The following PPP2R2D variants were observed in gnomAD, a reference collection of about 807,000 sequenced individuals.
The protein encoded by PPP2R2D is protein phosphatase 2 regulatory subunit Bdelta, also known as serine/threonine-protein phosphatase 2A 55 kDa regulatory subunit B delta isoform.
A neutral mutation model predicts 31.1 loss-of-function variants in PPP2R2D; 9 were observed. That is an observed-to-expected ratio of 0.29 (90% CI 0.17 to 0.51). The LOEUF (loss-of-function observed/expected upper bound fraction) is 0.51. Ranked by LOEUF, PPP2R2D falls within the 20% of genes least tolerant of loss-of-function variation. The pLI is 0.98. For synonymous variants in PPP2R2D, 179 were observed against 172.6 expected (o/e 1.04, Z -0.29); for missense variants, 391 against 465.6 (o/e 0.84, Z 1.48).
At chr10:131,936,547 G>A (rs1414684897) in intron 3 of PPP2R2D, among the ~76,000 whole-genome samples, 3 of 152,216 alleles carry the variant, frequency 2.0e-5, no homozygotes, top group Non-Finnish European at 2.9e-5. Flanking sequence ...GATAGCCTTA[G>A]GGAAGATGCC....
chr10:131,912,097 A>G (rs1156933037), intron 2 of PPP2R2D: 4 of 152,162 alleles, frequency 2.6e-5, no homozygotes, highest in African/African-American at 4.8e-5. Flanking sequence ...GTGTATAAGC[A>G]ATCTTTTTTA....
intron 2 of PPP2R2D, among the ~76,000 whole-genome samples, chr10:131,905,554 C>T (rs985335355): frequency 1.1e-4 from 17 of 152,308 alleles, no homozygotes; most frequent in Admixed American, 7.2e-4. Context: ...GGACCCAGCA[C>T]GAAGGTCATG....
intron 5 of PPP2R2D, among the ~76,000 whole-genome samples, chr10:131,943,630 C>CTAAG (rs2036480959): frequency 1.3e-5 from 2 of 152,298 alleles, no homozygotes; most frequent in East Asian, 3.9e-4. Context: ...GAGGACTTTG[C>CTAAG]TGTCCAGCGC....
chr10:131,957,278 G>A lies in PPP2R2D; in HGVS notation c.*1315G>A, dbSNP rs10870292. 15 of 150,936 alleles carry A rather than the reference G, an allele frequency of 9.9e-5. No individual in the cohort carries two copies. Among genetic ancestry groups the A allele is most frequent in the Non-Finnish European group, 1.2e-4 (8 of 69,542 alleles). 9.3% of individuals were successfully genotyped at this position (150,936 alleles called of 1,614,324 possible). ...GTGGAGATGGAGGTGTGTGCTGATC[G>A]CCCGTCACCCTGTCTAGATGAAGGT... On this transcript the variant is annotated 3_prime_UTR_variant, in exon 9 of 9. Transcript: ENST00000455566.
In PPP2R2D at chr10:131,940,109, T is replaced by A; in HGVS notation, c.277T>A (p.Leu93Met). The change falls in exon 4 of 9, where the codon TTG becomes ATG. Residue 93 changes from leucine to methionine, a missense_variant. By Grantham distance (15) the Leu-to-Met change is conservative. Transcript: ENST00000455566. The part of the protein sequence containing the change: ...FQSHEPEFDY[L>M]KSLEIEEKIN... The stretch of plus-strand genomic sequence containing the variant: ...AAGTCATGAACCGGAGTTTGACTAT[T>A]TGAAAAGTCTAGAAATTGAGGAAAA... The A allele has an allele frequency of 1.3e-6, 1 of 779,174 alleles. No individual in the cohort carries two copies. The highest frequency in any genetic ancestry group is 2.4e-6 in the Non-Finnish European group (1 of 417,424). The allele number at this position is 779,174 out of a possible 1,614,324, so 48.3% of individuals were successfully genotyped here.
chr10:131,963,935 T>G (rs2036950955), downstream of PPP2R2D, among the ~76,000 whole-genome samples: 1 of 152,122 alleles, frequency 6.6e-6, no homozygotes, highest in Non-Finnish European at 1.5e-5. Flanking sequence ...AGTGTCGGTT[T>G]TTCCTGTCCA....
chr10:131,956,508 G>A lies in PPP2R2D; in HGVS notation c.*545G>A, dbSNP rs544157335. On this transcript the variant is annotated 3_prime_UTR_variant, in exon 9 of 9. Transcript: ENST00000455566. ...CGCCGCCACCCCTTCGGGTGTGAGC[G>A]CTCAATAAAAACAACACACTATAAA... 2.1e-5 allele frequency: 21 copies of A among 985,450 alleles called. No individual in the cohort carries two copies. In the East Asian group the frequency reaches 1.9e-3, roughly 91 times the overall value. The allele number at this position is 985,450 out of a possible 1,614,324, so 61.0% of individuals were successfully genotyped here. A position where few individuals can be genotyped will look rare whatever the true frequency, so the allele number is the denominator to read the frequency against.
intron 2 of PPP2R2D, chr10:131,911,436 T>A (rs1456078763): frequency 1.4e-4 from 22 of 152,386 alleles, no homozygotes; most frequent in Admixed American, 1.2e-3. Flanking sequence ...AAAGTTCTTT[T>A]GTGGCACATT....
intron 8 of PPP2R2D, among the ~76,000 whole-genome samples, chr10:131,952,253 C>G (rs1306921871): frequency 9.7e-6 from 1 of 103,070 alleles, no homozygotes; most frequent in Non-Finnish European, 1.8e-5. Flanking sequence ...TGGGGGGTCC[C>G]TGTCTTAGCA....
intron 3 of PPP2R2D, among the ~76,000 whole-genome samples, chr10:131,937,468 C>A (rs994987343): frequency 6.6e-6 from 1 of 152,262 alleles, no homozygotes; most frequent in Admixed American, 6.5e-5. Flanking sequence ...CTCTCCTGCC[C>A]GTGTCCCCAT....
intron 2 of PPP2R2D, among the ~76,000 whole-genome samples, chr10:131,923,833 G>A (rs1408142722): frequency 6.6e-6 from 1 of 152,070 alleles, no homozygotes; most frequent in Non-Finnish European, 1.5e-5. Context: ...TGCTGTCATA[G>A]CTCACTGTTA....
chr10:131,907,204 T>C (rs1344667022), intron 2 of PPP2R2D, among the ~76,000 whole-genome samples: 7 of 152,152 alleles, frequency 4.6e-5, no homozygotes, highest in Non-Finnish European at 1.0e-4. Flanking sequence ...TTATATTTTT[T>C]TTTTGGTCTT....
chr10:131,927,476 A>G (rs1345933976), intron 2 of PPP2R2D, among the ~76,000 whole-genome samples: 1 of 152,174 alleles, frequency 6.6e-6, no homozygotes, highest in African/African-American at 2.4e-5. Context: ...GTCCGAGTGA[A>G]GACGGATAGC....
At chr10:131,913,978 G>A (rs958404076) in intron 2 of PPP2R2D, among the ~76,000 whole-genome samples, 14,378 of 152,174 alleles carry the variant, frequency 0.094, 953 homozygotes, top group East Asian at 0.34. Flanking sequence ...TTTCTGTATC[G>A]TGCACAACAC....
intron 2 of PPP2R2D, among the ~76,000 whole-genome samples, chr10:131,923,438 G>A (rs186639020): frequency 2.3e-3 from 353 of 152,302 alleles, no homozygotes; most frequent in African/African-American, 7.8e-3. Context: ...GTATAGACAT[G>A]TGTTTTCTGT....
At chr10:131,970,987 G>T in the PPP2R2D span, 1 of 1,607,644 alleles carries the variant, frequency 6.2e-7, no homozygotes, top group Non-Finnish European at 8.5e-7. This position sits in a 1 kb window ranked among gnomAD's most constrained non-coding sequence, Gnocchi z 4.1. Flanking sequence ...TAAAGTCAAT[G>T]TTAAAGGCAG....
chr10:131,920,742 A>G (rs1051826110), intron 2 of PPP2R2D, among the ~76,000 whole-genome samples: 6 of 152,180 alleles, frequency 3.9e-5, no homozygotes, highest in African/African-American at 1.4e-4. Flanking sequence ...CAGCGTGGCC[A>G]ACATGGTGAA....
In PPP2R2D at chr10:131,945,308, C is replaced by T. The variant is rs782242920; in HGVS notation, c.669C>T (p.Ile223=). ...ITDRSFNIVD[I]KPANMEELTE... is the part of the protein sequence containing the mutation. ...ATGCACTCCCAGACATCGTGGACAT[C>T]AAGCCTGCTAACATGGAGGAGCTGA... The change falls in exon 7 of 9, where the codon ATC becomes ATT. Residue 223 remains isoleucine (I), a synonymous_variant. Transcript: ENST00000455566. This position sits in a 1 kb window ranked among gnomAD's most constrained non-coding sequence, Gnocchi z 4.8. The T allele has an allele frequency of 6.2e-7, 1 of 1,613,684 alleles. No homozygotes were observed. Among genetic ancestry groups the T allele is most frequent in the South Asian group, 1.1e-5 (1 of 90,966 alleles).
intron 5 of PPP2R2D, among the ~76,000 whole-genome samples, chr10:131,943,004 C>A (rs1554897398): frequency 6.6e-6 from 1 of 152,152 alleles, no homozygotes; most frequent in African/African-American, 2.4e-5. Context: ...TTCTTTTTCC[C>A]CTAAGCTTTC....
Sources: allele counts gnomAD v4.1 joint callset (sites outside exome capture counted in the v4.1 genomes callset), GRCh38; gene constraint gnomAD v4.1.1; non-coding constraint Gnocchi (gnomAD v3.1); transcripts MANE v1.5; gene names NCBI Gene and HGNC (gene_info 2026-07-23, HGNC 2026-07-21).